CFAP65: variants seen among roughly 807,000 people sequenced by gnomAD.
CFAP65 encodes cilia- and flagella-associated protein 65.
In CFAP65, 155 loss-of-function variants were observed where a neutral mutation model predicts 208.0. The ratio of observed to expected loss-of-function variants is 0.75; its 90% CI spans 0.65 to 0.85. The LOEUF (loss-of-function observed/expected upper bound fraction) is 0.85, where lower values mean the gene tolerates loss of function less well. Ranked by LOEUF, CFAP65 falls within the 40% of genes least tolerant of loss-of-function variation. CFAP65 has a pLI of 0.00. For synonymous variants in CFAP65, 970 were observed against 986.3 expected, an observed-to-expected ratio of 0.98 and a Z score of 0.31; for missense variants, 2,294 against 2,451.3, an observed-to-expected ratio of 0.94 and a Z score of 1.36.
chr2:219,006,359 C>A, intron 30 of CFAP65, 106 bp downstream of exon 30: 1 of 1,512,954 alleles, frequency 6.6e-7, no homozygotes, highest in South Asian at 1.1e-5. Context: ...GCACTTTCAT[C>A]CCTCCTTTCT....
Position 219,006,019 on chromosome 2 carries a change from A to G in CFAP65, c.4922+2T>C. On this transcript the variant is annotated splice_donor_variant, in intron 31 of 34. Transcript: ENST00000341552. LOFTEE classifies it high-confidence loss of function. ...GTGACCCCTGCCTTCCCAAGAGCTT[A>G]CCGGTGCAAAAAGTGGCAGGGAAAC... The G allele has an allele frequency of 6.2e-7, 1 of 1,613,214 alleles. No individual in the cohort carries two copies. The highest frequency in any genetic ancestry group is 1.7e-4 in the Middle Eastern group (1 of 6,060).
At chr2:219,027,069 T>A in intron 13 of CFAP65, 1 of 1,020,568 alleles carries the variant, frequency 9.8e-7, no homozygotes, top group Non-Finnish European at 1.2e-6. Flanking sequence ...CCTTGGCCTC[T>A]GGGCAAGGGC....
chr2:219,014,398 C>T (rs1160976200), intron 21 of CFAP65: 1 of 173,376 alleles, frequency 5.8e-6, no homozygotes, highest in Non-Finnish European at 1.2e-5. Flanking sequence ...ATTTGGGACA[C>T]CTAGGAAGGC....
intron 27 of CFAP65, 51 bp from the exon 28 acceptor site, chr2:219,009,511 T>C (rs1946278997): frequency 2.4e-6 from 3 of 1,272,952 alleles, no homozygotes; most frequent in South Asian, 1.2e-5. Flanking sequence ...TGGAATTGGA[T>C]AGGATGGCAC....
At position 219,024,228 on chromosome 2, in the gene CFAP65, G is replaced by A. The variant is rs373514063; in HGVS notation, c.2382C>T (p.Thr794=). 1.9e-6 allele frequency: 3 copies of A among 1,613,630 alleles called. No individual in the cohort carries two copies. In the African/African-American group the frequency reaches 4.0e-5, roughly 22 times the overall value. Residue 794 remains threonine, a synonymous_variant, in exon 15 of 35, where the codon ACC becomes ACT. Coordinates refer to ENST00000341552, the MANE Select transcript of CFAP65 (RefSeq NM_194302.4). ...LFPAVSSGEP[T]YRSLLLVNKD... ...TGTTGACCAGGAGCAGGCTGCGGTA[G>A]GTGGGCTCACCGGAGGACACTGCTG...
At position 219,024,275 on chromosome 2, in the gene CFAP65, G is replaced by A; in HGVS notation, c.2350-15C>T. 2 of 1,603,152 alleles carry A rather than the reference G, an allele frequency of 1.2e-6. No homozygotes were observed. The highest frequency in any genetic ancestry group is 1.7e-6 in the Non-Finnish European group (2 of 1,174,222). ...GCTGGAAATAGCTGGGGGTGGGAGAGGAGGAAAGCGGCCCCCCGCTCAGAC... is the reference window on the plus strand; with the variant it reads ...GCTGGAAATAGCTGGGGGTGGGAGAAGAGGAAAGCGGCCCCCCGCTCAGAC... On this transcript the variant is annotated splice_polypyrimidine_tract_variant and intron_variant, in intron 14 of 34. Coordinates refer to ENST00000341552, the MANE Select transcript of CFAP65 (RefSeq NM_194302.4).
chr2:219,022,430 C>A, intron 16 of CFAP65, 101 bp from the exon 17 acceptor site: 1 of 1,365,076 alleles, frequency 7.3e-7, no homozygotes, highest in Admixed American at 2.0e-5. Context: ...TACGTTAGCC[C>A]TTTCTCAGAA....
At chr2:219,033,486 GAAAGAAAGA>G (rs56221883) in intron 5 of CFAP65, among the ~76,000 whole-genome samples, 25,446 of 145,396 alleles carry the variant, frequency 0.18, 2,878 homozygotes, top group African/African-American at 0.35. Context: ...AAAAAAACAA[GAAAGAAAGA>G]AAAGAAAGAA....
chr2:219,030,951 G>C, intron 8 of CFAP65, 117 bp from the exon 9 acceptor site: 1 of 1,454,890 alleles, frequency 6.9e-7, no homozygotes, highest in Non-Finnish European at 9.2e-7. Context: ...TAACATCATG[G>C]AAGACAAAAG....
At chr2:219,009,320 C>A (rs1354220920) in intron 28 of CFAP65, 27 bp downstream of exon 28, 1 of 1,564,370 alleles carries the variant, frequency 6.4e-7, no homozygotes, top group Non-Finnish European at 8.8e-7. Flanking sequence ...GCCTCCATCC[C>A]ACTTTACCCC....
At chr2:219,041,535 G>A (rs902150864), upstream of CFAP65, 4 of 1,550,412 alleles carry the variant, frequency 2.6e-6, no homozygotes, top group South Asian at 2.4e-5. Context: ...CGCAGGAAAC[G>A]GCGTCTTCAG....
chr2:219,030,884 G>A, intron 8 of CFAP65, 50 bp from the exon 9 acceptor site: 1 of 1,587,874 alleles, frequency 6.3e-7, no homozygotes, highest in South Asian at 1.2e-5. Context: ...GGCCTCTGTG[G>A]CCCCAGCTGA....
At position 219,003,023 on chromosome 2, in the gene CFAP65, T is replaced by C. The variant is rs1050208270; in HGVS notation, c.5694-2A>G. On this transcript the variant is annotated splice_acceptor_variant, in intron 34 of 34. Transcript: ENST00000341552. LOFTEE classifies it high-confidence loss of function. This position sits in a 1 kb window ranked among gnomAD's most constrained non-coding sequence, Gnocchi z 4.4. ...AGCAGCGTGTCCGGGGTCAGACTCC[T>C]GGAAGACAAAAAGTCCCAGGTAGGC... 6.4e-6 allele frequency: 10 copies of C among 1,555,618 alleles called. No homozygotes were observed. The African/African-American group carries it at 1.4e-4, about 21-fold the overall frequency.
At chr2:219,026,778 G>A (rs1050676393) in intron 13 of CFAP65, 1 of 986,146 alleles carries the variant, frequency 1.0e-6, no homozygotes, top group African/African-American at 1.7e-5. Context: ...TGCAGGTCTA[G>A]AGCCTGTAAC....
intron 11 of CFAP65, 141 bp downstream of exon 11, chr2:219,029,261 TG>T: frequency 9.1e-7 from 1 of 1,103,388 alleles, no homozygotes; most frequent in Non-Finnish European, 1.3e-6. Flanking sequence ...AAGCCAGGGC[TG>T]GGGCCCAGGA....
chr2:219,007,018 G>A (rs1260430964), intron 29 of CFAP65, among the ~76,000 whole-genome samples: 4 of 152,070 alleles, frequency 2.6e-5, no homozygotes, highest in Admixed American at 1.3e-4. Context: ...TCAAATGTAG[G>A]CGGGCAGCTC....
chr2:219,005,627 C>A (rs1294779524), intron 31 of CFAP65, 65 bp from the exon 32 acceptor site: 2 of 1,592,402 alleles, frequency 1.3e-6, no homozygotes, highest in Admixed American at 1.7e-5. Context: ...GGGGCACAAG[C>A]AGTGGTGGTA....
chr2:219,003,907 T>G lies in CFAP65; in HGVS notation c.5555+45A>C, dbSNP rs910043256. The stretch of plus-strand genomic sequence containing the variant: ...ATCCCACTGCCTCCTAGGAACCTTC[T>G]GCACTTCGCCTCCCTCCCGTCCTCA... On this transcript the variant is annotated intron_variant, in intron 33 of 34. Coordinates refer to ENST00000341552, the MANE Select transcript of CFAP65 (RefSeq NM_194302.4). The surrounding 1 kb of genome is among the most constrained non-coding windows in gnomAD (Gnocchi z 4.4). The G allele has an allele frequency of 6.4e-7, 1 of 1,574,458 alleles. No homozygotes were observed. The highest frequency in any genetic ancestry group is 8.6e-7 in the Non-Finnish European group (1 of 1,158,490).
rs759701273 is a variant in CFAP65 at position 219,006,184 on chromosome 2, G to T, written c.4759C>A (p.Pro1587Thr). 4.3e-6 allele frequency: 7 copies of T among 1,611,128 alleles called. 1 individual carries two copies. In the South Asian group the frequency reaches 7.7e-5, roughly 18 times the overall value. The stretch of plus-strand genomic sequence containing the variant: ...GGGGTCTGCAGTTTCCAGCTGGCAG[G>T]CCGGCTGACAGACTGCTGGTTCTTG... ...PIKNQQSVSR[P>T]ASWKLQTPKE... The change falls in exon 31 of 35, where the codon CCT (proline) becomes ACT (threonine). Residue 1587 changes from proline to threonine, a missense_variant. Transcript: ENST00000341552.
Sources: gnomAD v4.1 joint callset for allele counts (sites outside exome capture counted in the v4.1 genomes callset) on GRCh38, gnomAD v4.1.1 for gene constraint, Gnocchi (gnomAD v3.1) non-coding constraint, MANE v1.5 for transcripts, NCBI Gene and HGNC (gene_info 2026-07-23, HGNC 2026-07-21) for gene names.